Variants in CDKN1A observed in about 807,000 individuals in gnomAD.
The protein encoded by CDKN1A is cyclin dependent kinase inhibitor 1A, also known as cyclin-dependent kinase inhibitor 1.
Under a neutral mutation model 14.8 loss-of-function variants are expected in CDKN1A, and 14 were observed. The ratio of observed to expected loss-of-function variants is 0.94; its 90% CI spans 0.62 to 1.48. CDKN1A has a LOEUF of 1.48. CDKN1A is among the 40% of genes most tolerant of loss of function. CDKN1A has a pLI of 0.00. For synonymous variants in CDKN1A, 92 were observed against 93.5 expected (o/e 0.98, Z 0.09); for missense variants, 203 against 231.7 (o/e 0.88, Z 0.80).
rs374955108 is a variant in CDKN1A, at chr6:36,684,472, G to A, written c.371G>A (p.Gly124Glu). ...SLSCTLVPRS[G>E]EQAEGSPGGP... ...TCTTGTACCCTTGTGCCTCGCTCAGGGGAGCAGGCTGAAGGGTCCCCAGGT... is the reference window on the plus strand; with the variant it reads ...TCTTGTACCCTTGTGCCTCGCTCAGAGGAGCAGGCTGAAGGGTCCCCAGGT... Residue 124 changes from glycine (G) to glutamate (E), a missense_variant, in exon 2 of 3, where the codon GGG becomes GAG. Gly to Glu is a moderately conservative substitution (Grantham distance 98). Coordinates refer to ENST00000244741, the MANE Select transcript of CDKN1A (RefSeq NM_000389.5). This position sits in a 1 kb window ranked among gnomAD's most constrained non-coding sequence, Gnocchi z 6.0. 1.9e-5 allele frequency: 31 copies of A among 1,614,106 alleles called. No homozygotes were observed. Among genetic ancestry groups the A allele is most frequent in the Admixed American group, 3.3e-5 (2 of 60,008 alleles).
At chr6:36,682,209 C>T (rs146658898) in intron 1 of CDKN1A, among the ~76,000 whole-genome samples, 2 of 152,352 alleles carry the variant, frequency 1.3e-5, no homozygotes, top group East Asian at 3.9e-4. Flanking sequence ...CTTAACTTAT[C>T]TGAGCCTTGG....
At position 36,680,644 on chromosome 6, in the gene CDKN1A, A is replaced by G. The variant is rs568982904; in HGVS notation, c.-6+1846A>G. On this transcript the variant is annotated intron_variant, in intron 1 of 2. Transcript: ENST00000244741. ...CTCCCGGCCCTGGCGGGAATAGCAC[A>G]CAGGCTTTCCCGCGGAGTGGGGCTG... 3.3e-5 allele frequency: 5 copies of G among 152,252 alleles called. No individual in the cohort carries two copies. In the East Asian group the frequency reaches 9.7e-4, roughly 29 times the overall value. The allele number at this position is 152,252 out of a possible 1,614,324, so 9.4% of individuals were successfully genotyped here.
intron 1 of CDKN1A, among the ~76,000 whole-genome samples, chr6:36,679,917 G>C (rs1344426887): frequency 6.6e-6 from 1 of 152,128 alleles, no homozygotes; most frequent in Non-Finnish European, 1.5e-5. Flanking sequence ...AGCTGCCTCG[G>C]GGGCTCAGGG....
At chr6:36,681,304 C>CTTTCTT (rs1310005414) in intron 1 of CDKN1A, among the ~76,000 whole-genome samples, 1 of 122,726 alleles carries the variant, frequency 8.1e-6, no homozygotes, top group African/African-American at 3.0e-5. Flanking sequence ...TTCTTTCTTT[C>CTTTCTT]TTTCTTTCTT....
At chr6:36,677,955 A>T, upstream of CDKN1A, 1 of 1,177,620 alleles carries the variant, frequency 8.5e-7, no homozygotes, top group Non-Finnish European at 1.1e-6. Context: ...GTGTAGGGAG[A>T]TTGGTTCAAT....
At position 36,684,379 on chromosome 6, in the gene CDKN1A, G is replaced by C. The variant is rs144146573; in HGVS notation, c.278G>C (p.Arg93Thr). Residue 93 changes from arginine to threonine, a missense_variant, in exon 2 of 3, where the codon AGG becomes ACG. Physicochemically the swap from Arg to Thr is moderately conservative, Grantham distance 71 (BLOSUM62 -1). Transcript: ENST00000244741. The surrounding 1 kb of genome is among the most constrained non-coding windows in gnomAD (Gnocchi z 6.0). ...RRGRDELGGG[R>T]RPGTSPALLQ... ...GGCCGGGATGAGTTGGGAGGAGGCA[G>C]GCGGCCTGGCACCTCACCTGCTCTG... The C allele has an allele frequency of 1.2e-6, 2 of 1,613,314 alleles. No homozygotes were observed. The highest frequency in any genetic ancestry group is 1.3e-5 in the African/African-American group (1 of 75,044).
intron 1 of CDKN1A, among the ~76,000 whole-genome samples, chr6:36,681,286 TTC>T (rs1437923728): frequency 9.1e-6 from 1 of 110,444 alleles, no homozygotes; most frequent in African/African-American, 3.4e-5. Flanking sequence ...CTTTTTTTCT[TTC>T]TTTCTTTCTT....
In CDKN1A at chr6:36,686,415, C is replaced by G. The variant is rs933792625; in HGVS notation, c.*615C>G. 2.1e-5 allele frequency: 5 copies of G among 240,960 alleles called. No individual in the cohort carries two copies. The highest frequency in any genetic ancestry group is 1.6e-4 in the South Asian group (1 of 6,334). The allele number at this position is 240,960 out of a possible 1,614,324, so 14.9% of individuals were successfully genotyped here. On this transcript the variant is annotated 3_prime_UTR_variant, in exon 3 of 3. Transcript: ENST00000244741. This position sits in a 1 kb window ranked among gnomAD's most constrained non-coding sequence, Gnocchi z 4.9. Reference sequence around the variant, plus strand: ...GGTACCCTCCTGGCTCTTGATACCCCCCTCTGTCTTGTGAAGGCAGGGGGA... The same window carrying G: ...GGTACCCTCCTGGCTCTTGATACCCGCCTCTGTCTTGTGAAGGCAGGGGGA...
rs907923458 is a variant in CDKN1A at position 36,685,868 on chromosome 6, C to T, written c.*68C>T. The T allele has an allele frequency of 2.6e-5, 36 of 1,379,930 alleles. No individual in the cohort carries two copies. Among genetic ancestry groups the T allele is most frequent in the African/African-American group, 4.3e-5 (3 of 69,934 alleles). 85.5% of individuals were successfully genotyped at this position (1,379,930 alleles called of 1,614,324 possible). A position where few individuals can be genotyped will look rare whatever the true frequency, so the allele number is the denominator to read the frequency against. On this transcript the variant is annotated 3_prime_UTR_variant, in exon 3 of 3. Coordinates refer to ENST00000244741, the MANE Select transcript of CDKN1A (RefSeq NM_000389.5). ...CAAAGGCCCGCTCTACATCTTCTGC[C>T]TTAGTCTCAGTTTGTGTGTCTTAAT...
rs1762129072 is a variant in CDKN1A, at chr6:36,684,428, C to T, written c.327C>T (p.Asp109=). 1 of 1,613,862 alleles carries T rather than the reference C, an allele frequency of 6.2e-7. No homozygotes were observed. ...PALLQGTAEE[D]HVDLSLSCTL... is the part of the protein sequence containing the mutation. ...TGCTGCAGGGGACAGCAGAGGAAGA[C>T]CATGTGGACCTGTCACTGTCTTGTA... is the stretch of plus-strand genomic sequence containing the variant. Residue 109 remains aspartate, a synonymous_variant, in exon 2 of 3, where the codon GAC becomes GAT. Coordinates refer to ENST00000244741, the MANE Select transcript of CDKN1A (RefSeq NM_000389.5). This position sits in a 1 kb window ranked among gnomAD's most constrained non-coding sequence, Gnocchi z 6.0.
chr6:36,681,334 T>TTCTTTCTTTCTTTCCTTCTTTC (rs780161958), intron 1 of CDKN1A, among the ~76,000 whole-genome samples: 1 of 86,058 alleles, frequency 1.2e-5, no homozygotes, highest in African/African-American at 4.3e-5. Context: ...CTTTCTTTCT[T>TTCTTTCTTTCTTTCCTTCTTTC]TTTCTTTCTT....
chr6:36,681,334 T>TTCTTTCCTTCTTTCTTTCTTTC (rs780161958), intron 1 of CDKN1A, among the ~76,000 whole-genome samples: 1 of 86,056 alleles, frequency 1.2e-5, no homozygotes, highest in African/African-American at 4.3e-5. Flanking sequence ...CTTTCTTTCT[T>TTCTTTCCTTCTTTCTTTCTTTC]TTTCTTTCTT....
At chr6:36,678,373 T>G (rs1761763047), upstream of CDKN1A, 2 of 169,466 alleles carry the variant, frequency 1.2e-5, no homozygotes, top group Non-Finnish European at 2.5e-5. The surrounding 1 kb of genome is among the most constrained non-coding windows in gnomAD (Gnocchi z 5.7). Context: ...AGGGGGCTCA[T>G]TCTAACAGTG....
At position 36,684,196 on chromosome 6, in the gene CDKN1A, G is replaced by C. The variant is rs1477458254; in HGVS notation, c.95G>C (p.Arg32Pro). The change falls in exon 2 of 3, where the codon CGC becomes CCC. Residue 32 changes from arginine to proline, a missense_variant. Transcript: ENST00000244741. This position sits in a 1 kb window ranked among gnomAD's most constrained non-coding sequence, Gnocchi z 6.0. ...FGPVDSEQLS[R>P]DCDALMAGCI... ...CCAGTGGACAGCGAGCAGCTGAGCC[G>C]CGACTGTGATGCGCTAATGGCGGGC... 6.2e-7 allele frequency: 1 copy of C among 1,611,894 alleles called. No individual in the cohort carries two copies.
At chr6:36,678,659 AG>A (rs1187810255), upstream of CDKN1A, 1 of 984,738 alleles carries the variant, frequency 1.0e-6, no homozygotes, top group Non-Finnish European at 1.2e-6. This position sits in a 1 kb window ranked among gnomAD's most constrained non-coding sequence, Gnocchi z 5.7. Context: ...CGCCTCCTTG[AG>A]GCGGGCCCGG....
At position 36,684,198 on chromosome 6, in the gene CDKN1A, G is replaced by C. The variant is rs376481017; in HGVS notation, c.97G>C (p.Asp33His). The C allele has an allele frequency of 1.1e-5, 17 of 1,611,848 alleles. No homozygotes were observed. Among genetic ancestry groups the C allele is most frequent in the Non-Finnish European group, 1.4e-5 (17 of 1,179,984 alleles). The change falls in exon 2 of 3, where the codon GAC (aspartate) becomes CAC (histidine). Residue 33 changes from aspartate (D) to histidine (H), a missense_variant. By Grantham distance (81) the Asp-to-His change is moderately conservative. Transcript: ENST00000244741. This position sits in a 1 kb window ranked among gnomAD's most constrained non-coding sequence, Gnocchi z 6.0. ...GPVDSEQLSR[D>H]CDALMAGCIQ... ...AGTGGACAGCGAGCAGCTGAGCCGC[G>C]ACTGTGATGCGCTAATGGCGGGCTG...
upstream of CDKN1A, among the ~76,000 whole-genome samples, chr6:36,677,152 G>A (rs1761720859): frequency 6.6e-6 from 1 of 152,180 alleles, no homozygotes; most frequent in Non-Finnish European, 1.5e-5. Flanking sequence ...GTGGGGCTTA[G>A]AGTGGGGTCC....
At chr6:36,679,457 C>T (rs955869972) in intron 1 of CDKN1A, among the ~76,000 whole-genome samples, 3 of 152,218 alleles carry the variant, frequency 2.0e-5, no homozygotes, top group Admixed American at 1.3e-4. Flanking sequence ...GACAAGGAGA[C>T]CCCAGGGAAC....
In CDKN1A at chr6:36,684,397, C is replaced by T. The variant is rs2150314009; in HGVS notation, c.296C>T (p.Pro99Leu). ...LGGGRRPGTS[P>L]ALLQGTAEED... ...GGAGGCAGGCGGCCTGGCACCTCAC[C>T]TGCTCTGCTGCAGGGGACAGCAGAG... Residue 99 changes from proline (P) to leucine (L), a missense_variant, in exon 2 of 3, where the codon CCT (proline) becomes CTT (leucine). Transcript: ENST00000244741. The surrounding 1 kb of genome is among the most constrained non-coding windows in gnomAD (Gnocchi z 6.0). 6.2e-7 allele frequency: 1 copy of T among 1,613,354 alleles called. No homozygotes were observed. Among genetic ancestry groups the T allele is most frequent in the Non-Finnish European group, 8.5e-7 (1 of 1,179,746 alleles).
Sources: allele counts gnomAD v4.1 joint callset (sites outside exome capture counted in the v4.1 genomes callset), GRCh38; gene constraint gnomAD v4.1.1; non-coding constraint Gnocchi (gnomAD v3.1); transcripts MANE v1.5; gene names NCBI Gene and HGNC (gene_info 2026-07-23, HGNC 2026-07-21).